DOCK1: variants seen among roughly 807,000 people sequenced by gnomAD.
The protein encoded by DOCK1 is dedicator of cytokinesis 1.
DOCK1 carries 138 observed loss-of-function variants against 262.7 expected under a neutral mutation model. The ratio of observed to expected loss-of-function variants is 0.53; its 90% CI spans 0.46 to 0.61. The LOEUF (loss-of-function observed/expected upper bound fraction) is 0.61. Among genes scored for constraint, DOCK1 ranks in the 20% least tolerant of loss-of-function variants. The pLI is 0.00. For synonymous variants in DOCK1, 866 were observed against 867.4 expected (o/e 1.00, Z 0.03); for missense variants, 1,908 against 2,370.7 (o/e 0.80, Z 4.05).
chr10:127,386,704 T>C (rs1265601398), intron 38 of DOCK1, among the ~76,000 whole-genome samples: 1 of 152,022 alleles, frequency 6.6e-6, no homozygotes, highest in East Asian at 1.9e-4. Flanking sequence ...TGTATTACAA[T>C]GTAATAATAA....
At chr10:127,259,760 G>T (rs2489414) in intron 29 of DOCK1, among the ~76,000 whole-genome samples, 23,949 of 151,734 alleles carry the variant, frequency 0.16, 2,073 homozygotes, top group African/African-American at 0.22. Flanking sequence ...CCGTTTAGGA[G>T]GGAATAGTCA....
At chr10:127,398,737 A>T (rs1164647912) in intron 38 of DOCK1, among the ~76,000 whole-genome samples, 2 of 152,224 alleles carry the variant, frequency 1.3e-5, no homozygotes, top group Non-Finnish European at 2.9e-5. Context: ...AAATGAAACC[A>T]GAGTCGCCCA....
At chr10:127,286,907 G>T (rs1195563099) in intron 29 of DOCK1, among the ~76,000 whole-genome samples, 2 of 143,240 alleles carry the variant, frequency 1.4e-5, no homozygotes, top group Non-Finnish European at 3.0e-5. Flanking sequence ...AGAGAGTCTT[G>T]CTCTGTCGCC....
intron 28 of DOCK1, among the ~76,000 whole-genome samples, chr10:127,248,803 C>A (rs966457529): frequency 1.3e-5 from 2 of 152,164 alleles, no homozygotes; most frequent in Non-Finnish European, 2.9e-5. Context: ...GTCCCCAATC[C>A]CTGGGCCACA....
At chr10:127,373,026 C>T (rs1210405027) in intron 33 of DOCK1, among the ~76,000 whole-genome samples, 1 of 152,144 alleles carries the variant, frequency 6.6e-6, no homozygotes, top group East Asian at 1.9e-4. Context: ...GAAAACATGT[C>T]CATTGTTATC....
rs555323111 is a variant in DOCK1 at position 127,403,967 on chromosome 10, C to T, written c.4018-358C>T. ...TCTGTTCCTTTAAATTCTCTTTGAA[C>T]GTATCCCACTATCTGACCTATACCT... On this transcript the variant is annotated intron_variant, in intron 39 of 51. Transcript: ENST00000623213. Among the ~76,000 whole-genome samples the T allele has an allele frequency of 2.2e-3, 328 of 152,254 alleles. 1 individual carries two copies. The highest frequency in any genetic ancestry group is 7.5e-3 in the African/African-American group (311 of 41,558).
At chr10:127,303,553 A>G (rs984109610) in intron 29 of DOCK1, among the ~76,000 whole-genome samples, 1 of 151,994 alleles carries the variant, frequency 6.6e-6, no homozygotes, top group African/African-American at 2.4e-5. Context: ...TTGGCCAGGC[A>G]TGGGTGGCTC....
chr10:127,226,719 C>T (rs370588926), intron 27 of DOCK1, among the ~76,000 whole-genome samples: 1 of 151,966 alleles, frequency 6.6e-6, no homozygotes, highest in Non-Finnish European at 1.5e-5. Flanking sequence ...ATTCCAGCCT[C>T]GGTGACAGGG....
intron 6 of DOCK1, among the ~76,000 whole-genome samples, chr10:126,994,489 C>T (rs2040025220): frequency 6.6e-6 from 1 of 152,140 alleles, no homozygotes; most frequent in Non-Finnish European, 1.5e-5. Context: ...GTTTGTGTCC[C>T]TGGGTACTTG....
intron 1 of DOCK1, among the ~76,000 whole-genome samples, chr10:126,965,849 T>G (rs2037635210): frequency 6.6e-6 from 1 of 152,164 alleles, no homozygotes; most frequent in Non-Finnish European, 1.5e-5. Context: ...AATTAGCATG[T>G]CTCTCATCTC....
At chr10:127,071,619 C>T (rs549371311) in intron 23 of DOCK1, among the ~76,000 whole-genome samples, 6 of 152,232 alleles carry the variant, frequency 3.9e-5, no homozygotes, top group African/African-American at 1.4e-4. Flanking sequence ...AACACCTTTC[C>T]ATTATTAATG....
rs1176236920 is a variant in DOCK1 at position 127,396,556 on chromosome 10, T to C, written c.3928-6499T>C. On this transcript the variant is annotated intron_variant, in intron 38 of 51. Transcript: ENST00000623213. ...GCTGTTCCTCTCCTCCTGTTGTCTCTGGAGTCCACTCCCTCACCAGTGGCC... is the reference window on the plus strand; with the variant it reads ...GCTGTTCCTCTCCTCCTGTTGTCTCCGGAGTCCACTCCCTCACCAGTGGCC... 2.0e-5 allele frequency among the ~76,000 whole-genome samples: 3 copies of C among 152,302 alleles called. No individual in the cohort carries two copies. In the East Asian group the frequency reaches 5.8e-4, roughly 29 times the overall value.
intron 1 of DOCK1, among the ~76,000 whole-genome samples, chr10:126,916,415 T>G (rs1206978633): frequency 6.6e-6 from 1 of 152,246 alleles, no homozygotes; most frequent in Non-Finnish European, 1.5e-5. Flanking sequence ...GATTTTTATT[T>G]TACTTACTAG....
rs373922936 is a variant in DOCK1 at position 127,101,172 on chromosome 10, C to T, written c.2446-5059C>T. On this transcript the variant is annotated intron_variant, in intron 23 of 51. Coordinates refer to ENST00000623213, the MANE Select transcript of DOCK1 (RefSeq NM_001290223.2). ...TTGGTTTGGGTGGTTGGAAGCTTAG[C>T]GAGTTCCTTTCTTGTGGTGGCTTTT... Among the ~76,000 whole-genome samples, 8 of 151,424 alleles carry T rather than the reference C, an allele frequency of 5.3e-5. No homozygotes were observed. The East Asian group carries it at 9.8e-4, about 19-fold the overall frequency.
At chr10:126,946,602 A>T (rs1362216294) in intron 1 of DOCK1, among the ~76,000 whole-genome samples, 1 of 152,034 alleles carries the variant, frequency 6.6e-6, no homozygotes, top group Non-Finnish European at 1.5e-5. Context: ...TTAACTTCTA[A>T]TCTATTATAT....
intron 29 of DOCK1, among the ~76,000 whole-genome samples, chr10:127,316,712 C>T (rs2062298954): frequency 1.3e-5 from 2 of 152,204 alleles, no homozygotes; most frequent in Admixed American, 6.5e-5. Context: ...TTATGAGCAG[C>T]ATTATTCTGC....
chr10:127,259,635 G>A (rs2059946937), intron 29 of DOCK1, among the ~76,000 whole-genome samples: 3 of 152,228 alleles, frequency 2.0e-5, no homozygotes, highest in Admixed American at 1.3e-4. Flanking sequence ...AGAGCAGCAC[G>A]TCCTGGCTCT....
At chr10:127,210,819 T>C (rs971936543) in intron 27 of DOCK1, among the ~76,000 whole-genome samples, 3 of 152,220 alleles carry the variant, frequency 2.0e-5, no homozygotes, top group African/African-American at 7.2e-5. Flanking sequence ...TTGTTCTAGG[T>C]GTCACTGAAT....
chr10:127,328,119 C>CA (rs11301683), intron 29 of DOCK1, among the ~76,000 whole-genome samples: 2,265 of 71,752 alleles, frequency 0.032, 30 homozygotes, highest in South Asian at 0.068. Flanking sequence ...TACAAATGGG[C>CA]AAAAAAAAAA....
Sources: gnomAD v4.1 joint callset for allele counts (sites outside exome capture counted in the v4.1 genomes callset) on GRCh38, gnomAD v4.1.1 for gene constraint, MANE v1.5 for transcripts, NCBI Gene and HGNC (gene_info 2026-07-23, HGNC 2026-07-21) for gene names.